Variants in PDZD2 observed in about 807,000 individuals in gnomAD.
The protein encoded by PDZD2 is PDZ domain-containing protein 2.
A neutral mutation model predicts 220.7 loss-of-function variants in PDZD2; 90 were observed. That is an observed-to-expected ratio of 0.41 (90% CI 0.34 to 0.49). The LOEUF (loss-of-function observed/expected upper bound fraction) is 0.49. Ranked by LOEUF, PDZD2 falls within the 20% of genes least tolerant of loss-of-function variation. PDZD2 has a pLI of 0.28. For missense variants in PDZD2, 3,174 were observed against 3,608.5 expected, an observed-to-expected ratio of 0.88 and a Z score of 3.08; for synonymous variants, 1,375 against 1,450.5, an observed-to-expected ratio of 0.95 and a Z score of 1.18.
chr5:31,788,442 G>A (rs1204879356), intron 1 of PDZD2, among the ~76,000 whole-genome samples: 2 of 152,304 alleles, frequency 1.3e-5, no homozygotes, highest in South Asian at 2.1e-4. Context: ...AAGGCGGGCG[G>A]ATCACGAGTT....
At chr5:31,923,346 C>G in intron 2 of PDZD2, 1 of 945,084 alleles carries the variant, frequency 1.1e-6, no homozygotes, top group Non-Finnish European at 1.7e-6. Flanking sequence ...GGGGTCCTCC[C>G]TGTGCCACAC....
intron 3 of PDZD2, among the ~76,000 whole-genome samples, chr5:31,988,328 CT>C (rs1365584953): frequency 2.0e-5 from 3 of 151,272 alleles, no homozygotes; most frequent in Non-Finnish European, 2.9e-5. Flanking sequence ...TTCTTTTTTT[CT>C]TTTTTACCTT....
rs781538022 is a variant in PDZD2 at position 32,100,854 on chromosome 5, G to A, written c.8219-251G>A. 5.2e-6 allele frequency: 8 copies of A among 1,538,648 alleles called. No individual in the cohort carries two copies. In the South Asian group the frequency reaches 6.7e-5, roughly 13 times the overall value. On this transcript the variant is annotated intron_variant, in intron 23 of 24. Transcript: ENST00000438447. The stretch of plus-strand genomic sequence containing the variant: ...CTTGGGCATAAAAGCATTTGCCAAT[G>A]CTTGCAGAAAACACAGAACAAAGGA...
intron 3 of PDZD2, 103 bp downstream of exon 3, chr5:31,983,759 C>G (rs927876484): frequency 3.4e-6 from 4 of 1,167,834 alleles, no homozygotes; most frequent in African/African-American, 3.1e-5. Flanking sequence ...GGCTCAGAAC[C>G]AGAATTTTGA....
intron 6 of PDZD2, among the ~76,000 whole-genome samples, chr5:32,021,604 CAG>C (rs1282146020): frequency 6.6e-6 from 1 of 152,118 alleles, no homozygotes; most frequent in African/African-American, 2.4e-5. Context: ...GGCCTCCTGA[CAG>C]AGACTTTCTA....
At chr5:31,751,132 C>T (rs1214391716) in intron 1 of PDZD2, among the ~76,000 whole-genome samples, 1 of 151,804 alleles carries the variant, frequency 6.6e-6, no homozygotes, top group Non-Finnish European at 1.5e-5. Flanking sequence ...GTCTCAGCTA[C>T]TCGGAGGCCG....
chr5:31,923,523 C>A, intron 2 of PDZD2: 1 of 903,992 alleles, frequency 1.1e-6, no homozygotes, highest in South Asian at 1.3e-5. Context: ...TCTGAGCCTA[C>A]TTTGGGGATA....
At chr5:32,031,232 A>G (rs1358481447) in intron 6 of PDZD2, among the ~76,000 whole-genome samples, 1 of 152,176 alleles carries the variant, frequency 6.6e-6, no homozygotes. Context: ...AGTCTTTTCC[A>G]TACATCACTG....
chr5:31,723,653 T>A (rs1266404674), intron 1 of PDZD2, among the ~76,000 whole-genome samples: 1 of 152,168 alleles, frequency 6.6e-6, no homozygotes, highest in African/African-American at 2.4e-5. Flanking sequence ...GTCTCGCTCT[T>A]GTCACCCAGG....
At chr5:31,655,437 C>T (rs991107661) in intron 1 of PDZD2, among the ~76,000 whole-genome samples, 6 of 152,234 alleles carry the variant, frequency 3.9e-5, no homozygotes, top group South Asian at 2.1e-4. Context: ...TCCCAAAGCG[C>T]GGGGATTACA....
chr5:31,950,162 A>G (rs1440827976), intron 2 of PDZD2, among the ~76,000 whole-genome samples: 1 of 152,160 alleles, frequency 6.6e-6, no homozygotes, highest in Non-Finnish European at 1.5e-5. Flanking sequence ...ATGAGACCCC[A>G]TAGGTTGTGC....
intron 2 of PDZD2, among the ~76,000 whole-genome samples, chr5:31,916,023 G>A (rs1743648008): frequency 6.6e-6 from 1 of 152,196 alleles, no homozygotes; most frequent in South Asian, 2.1e-4. Flanking sequence ...TGTTCCTGAT[G>A]ATTGTAGGTG....
Position 32,089,009 on chromosome 5 carries a change from C to T in PDZD2, c.5561C>T (p.Pro1854Leu), listed in dbSNP as rs907316173. The change falls in exon 20 of 25, where the codon CCG becomes CTG. Residue 1854 changes from proline to leucine, a missense_variant. Pro to Leu is a moderately conservative substitution (Grantham distance 98). This residue lies in a region of PDZD2 where 1,861 missense variants were observed against 2,001.0 expected (regional missense o/e 0.93). Transcript: ENST00000438447. ...ACTGTGCCTCATAGCCCTCCTCAGC[C>T]GAAAACAAACCTGGAAAATAAGGAC... ...GVTVPHSPPQ[P>L]KTNLENKDLS... is the part of the protein sequence containing the mutation. The T allele has an allele frequency of 2.2e-5, 36 of 1,613,760 alleles. No homozygotes were observed. The highest frequency in any genetic ancestry group is 2.7e-5 in the African/African-American group (2 of 74,882).
At chr5:31,988,438 G>A (rs911889603) in intron 3 of PDZD2, among the ~76,000 whole-genome samples, 2 of 96,068 alleles carry the variant, frequency 2.1e-5, no homozygotes, top group African/African-American at 3.9e-5. Flanking sequence ...GTGGAGATGG[G>A]GGTGGGGGGG....
intron 24 of PDZD2, among the ~76,000 whole-genome samples, chr5:32,102,242 G>C (rs1311328362): frequency 6.6e-6 from 1 of 152,162 alleles, no homozygotes; most frequent in South Asian, 2.1e-4. Flanking sequence ...GGATGACAGA[G>C]AAATGTGCAC....
Position 32,089,295 on chromosome 5 carries a change from T to C in PDZD2, c.5847T>C (p.Ala1949=). ...AGGACCCTGACAGAAACACCACAGC[T>C]GCCCCCAGGTCCCCCCAGTGTGTGC... ...DHEDPDRNTT[A]APRSPQCVLE... is the part of the protein sequence containing the mutation. Residue 1949 remains alanine, a synonymous_variant, in exon 20 of 25, where the codon GCT becomes GCC. Coordinates refer to ENST00000438447, the MANE Select transcript of PDZD2 (RefSeq NM_178140.4). 4 of 1,614,106 alleles carry C rather than the reference T, an allele frequency of 2.5e-6. No individual in the cohort carries two copies. The highest frequency in any genetic ancestry group is 3.4e-6 in the Non-Finnish European group (4 of 1,180,018).
At chr5:31,701,118 A>T (rs1384001249) in intron 1 of PDZD2, among the ~76,000 whole-genome samples, 1 of 152,238 alleles carries the variant, frequency 6.6e-6, no homozygotes, top group East Asian at 1.9e-4. Context: ...AGTGCTGAGC[A>T]CACAGCGGAT....
chr5:31,716,176 G>T (rs1002090473), intron 1 of PDZD2, among the ~76,000 whole-genome samples: 1 of 152,172 alleles, frequency 6.6e-6, no homozygotes, highest in Non-Finnish European at 1.5e-5. Flanking sequence ...CTCTTTTGAA[G>T]AGGATGTACT....
chr5:31,969,809 T>C (rs1204715989), intron 2 of PDZD2, among the ~76,000 whole-genome samples: 1 of 152,176 alleles, frequency 6.6e-6, no homozygotes, highest in East Asian at 1.9e-4. Flanking sequence ...TTTTTTTGTT[T>C]TTAATGGATC....
Sources: allele counts gnomAD v4.1 joint callset (sites outside exome capture counted in the v4.1 genomes callset), GRCh38; gene constraint gnomAD v4.1.1; regional missense constraint gnomAD v4.1.1; transcripts MANE v1.5; gene names NCBI Gene and HGNC (gene_info 2026-07-23, HGNC 2026-07-21).